The following CNTN1 variants were observed in gnomAD, a reference collection of about 807,000 sequenced individuals.
CNTN1 encodes the protein contactin-1.
In CNTN1, 38 loss-of-function variants were observed where a neutral mutation model predicts 126.4. The observed-to-expected ratio is 0.30, with a 90% CI of 0.23 to 0.39. CNTN1 has a LOEUF of 0.39. Among genes scored for constraint, CNTN1 ranks in the 10% least tolerant of loss-of-function variants. The pLI is 1.00. For missense variants in CNTN1, 1,009 were observed against 1,248.4 expected, an observed-to-expected ratio of 0.81 and a Z score of 2.89; for synonymous variants, 413 against 422.6, an observed-to-expected ratio of 0.98 and a Z score of 0.28.
rs1946185569 is a variant in CNTN1 at position 40,939,318 on chromosome 12, A to G, written c.1229-17A>G. 6.2e-7 allele frequency: 1 copy of G among 1,613,326 alleles called. No individual in the cohort carries two copies. The highest frequency in any genetic ancestry group is 1.1e-5 in the South Asian group (1 of 91,066). ...TACAAACAGAAAGAGAAAGATAACA[A>G]TTTGTTTTCTTTTTAGCGTTGGCTC... On this transcript the variant is annotated splice_polypyrimidine_tract_variant and intron_variant, in intron 11 of 23. Transcript: ENST00000551295.
At chr12:41,015,732 A>T (rs1382258522) in intron 18 of CNTN1, among the ~76,000 whole-genome samples, 4 of 152,150 alleles carry the variant, frequency 2.6e-5, no homozygotes, top group Non-Finnish European at 5.9e-5. Context: ...AAAAAAAAAA[A>T]AAGTAAATAT....
At chr12:40,862,298 A>G (rs973059481) in intron 1 of CNTN1, among the ~76,000 whole-genome samples, 4 of 151,970 alleles carry the variant, frequency 2.6e-5, no homozygotes, top group Non-Finnish European at 4.4e-5. Context: ...CTTTCTGTAG[A>G]TCCAGGTTGT....
At chr12:40,869,756 G>A (rs960721115) in intron 1 of CNTN1, among the ~76,000 whole-genome samples, 15 of 152,026 alleles carry the variant, frequency 9.9e-5, no homozygotes, top group African/African-American at 3.4e-4. Context: ...AAACACAAAT[G>A]AACTATTAGA....
chr12:40,807,137 G>T (rs1191934666), intron 1 of CNTN1, among the ~76,000 whole-genome samples: 1 of 151,904 alleles, frequency 6.6e-6, no homozygotes, highest in Non-Finnish European at 1.5e-5. Flanking sequence ...CTTACCTTGG[G>T]CTGGGATCGA....
intron 1 of CNTN1, among the ~76,000 whole-genome samples, chr12:40,873,293 A>G (rs1362253799): frequency 6.6e-6 from 1 of 152,188 alleles, no homozygotes; most frequent in Non-Finnish European, 1.5e-5. Context: ...AAATTTTAGC[A>G]ATTTGATTTC....
At chr12:40,932,829 C>G (rs907117452) in intron 7 of CNTN1, among the ~76,000 whole-genome samples, 5 of 151,958 alleles carry the variant, frequency 3.3e-5, no homozygotes, top group Non-Finnish European at 5.9e-5. Flanking sequence ...GGTACACACT[C>G]AATTTGTGAT....
At chr12:40,839,105 T>C (rs1487982835) in intron 1 of CNTN1, among the ~76,000 whole-genome samples, 2 of 152,156 alleles carry the variant, frequency 1.3e-5, no homozygotes, top group Non-Finnish European at 2.9e-5. Flanking sequence ...ATTCTGGAAC[T>C]GAGGTACTTT....
At chr12:40,905,198 A>T (rs1944764605) in intron 1 of CNTN1, among the ~76,000 whole-genome samples, 1 of 152,234 alleles carries the variant, frequency 6.6e-6, no homozygotes. Flanking sequence ...TTCTAGCCCT[A>T]GAAAAGTTGT....
Position 40,888,131 on chromosome 12 carries a change from T to C in CNTN1, c.-76-20226T>C, listed in dbSNP as rs1944112194. 1.3e-5 allele frequency among the ~76,000 whole-genome samples: 2 copies of C among 152,074 alleles called. 1 individual carries two copies. ...TATACATATGTAACAAACCTGCACA[T>C]TGTGCACATGTACCCTGAAACTTAA... On this transcript the variant is annotated intron_variant, in intron 1 of 23. Coordinates refer to ENST00000551295, the MANE Select transcript of CNTN1 (RefSeq NM_001843.4).
intron 1 of CNTN1, among the ~76,000 whole-genome samples, chr12:40,820,570 G>C (rs1941412295): frequency 6.6e-6 from 1 of 152,156 alleles, no homozygotes; most frequent in Admixed American, 6.5e-5. Flanking sequence ...ATGGGTACAA[G>C]TGGAGTGGTC....
chr12:40,813,845 C>T (rs953582865), intron 1 of CNTN1, among the ~76,000 whole-genome samples: 2 of 152,278 alleles, frequency 1.3e-5, no homozygotes, highest in African/African-American at 2.4e-5. Flanking sequence ...TCCACAGCCT[C>T]GCCAGCATCT....
At chr12:40,882,832 C>A (rs1943911846) in intron 1 of CNTN1, among the ~76,000 whole-genome samples, 1 of 151,504 alleles carries the variant, frequency 6.6e-6, no homozygotes, top group East Asian at 1.9e-4. Flanking sequence ...ATAGCAAAGA[C>A]CTTTTAAAAT....
intron 1 of CNTN1, among the ~76,000 whole-genome samples, chr12:40,771,428 T>C (rs900379687): frequency 1.3e-5 from 2 of 152,130 alleles, no homozygotes; most frequent in African/African-American, 4.8e-5. Flanking sequence ...GTGTTATTTA[T>C]TTCTTTTATA....
chr12:40,817,936 G>T (rs1941311763), intron 1 of CNTN1, among the ~76,000 whole-genome samples: 1 of 152,086 alleles, frequency 6.6e-6, no homozygotes, highest in Non-Finnish European at 1.5e-5. Context: ...GCTTAGTTTG[G>T]CTGGATATGA....
intron 1 of CNTN1, among the ~76,000 whole-genome samples, chr12:40,786,087 T>C (rs1268945799): frequency 6.6e-6 from 1 of 152,206 alleles, no homozygotes; most frequent in African/African-American, 2.4e-5. Context: ...ACGTCCAGTA[T>C]GGACATTACC....
At chr12:40,854,575 G>A (rs1013351729) in intron 1 of CNTN1, among the ~76,000 whole-genome samples, 3 of 152,136 alleles carry the variant, frequency 2.0e-5, no homozygotes, top group Non-Finnish European at 4.4e-5. Context: ...AGACTGTCAT[G>A]CAAATGTCTA....
At chr12:40,778,360 G>GT (rs1197474421) in intron 1 of CNTN1, among the ~76,000 whole-genome samples, 1 of 151,794 alleles carries the variant, frequency 6.6e-6, no homozygotes, top group East Asian at 1.9e-4. Context: ...TTTATATACA[G>GT]TCTAGGCTGC....
intron 1 of CNTN1, among the ~76,000 whole-genome samples, chr12:40,854,261 G>A (rs1942820621): frequency 6.6e-6 from 1 of 151,956 alleles, no homozygotes; most frequent in Admixed American, 6.6e-5. Context: ...CAAGAGCATA[G>A]AATTTCCTCA....
intron 1 of CNTN1, among the ~76,000 whole-genome samples, chr12:40,785,414 C>T (rs7315792): frequency 1.1e-4 from 17 of 151,976 alleles, no homozygotes; most frequent in Non-Finnish European, 1.6e-4. Flanking sequence ...ACTGTCTCAC[C>T]TGTCTGTGTG....
Sources: allele counts gnomAD v4.1 joint callset (sites outside exome capture counted in the v4.1 genomes callset), GRCh38; gene constraint gnomAD v4.1.1; transcripts MANE v1.5; gene names NCBI Gene and HGNC (gene_info 2026-07-23, HGNC 2026-07-21).